CBLN2: variants seen among roughly 807,000 people sequenced by gnomAD.
CBLN2 encodes the protein cerebellin 2 precursor.
In CBLN2, 7 loss-of-function variants were observed where a neutral mutation model predicts 15.0. The ratio of observed to expected loss-of-function variants is 0.47; its 90% CI spans 0.27 to 0.88. The LOEUF is 0.88. Among genes scored for constraint, CBLN2 ranks in the 40% least tolerant of loss-of-function variants. The probability of loss-of-function intolerance (pLI) is 0.14; values close to 1 mark genes in which losing one functional copy is unlikely to be tolerated. For synonymous variants in CBLN2, 149 were observed against 135.2 expected, an observed-to-expected ratio of 1.10 and a Z score of -0.71; for missense variants, 242 against 304.5, an observed-to-expected ratio of 0.79 and a Z score of 1.53.
At chr18:72,538,512 C>G (rs1268357808) in intron 4 of CBLN2, 139 bp from the exon 5 acceptor site, 1 of 1,426,606 alleles carries the variant, frequency 7.0e-7, no homozygotes, top group Non-Finnish European at 9.7e-7. Flanking sequence ...AGTGAGCACT[C>G]CCAGCTAGTT....
At chr18:72,594,890 T>C (rs2069502960) in intron 1 of CBLN2, among the ~76,000 whole-genome samples, 1 of 152,144 alleles carries the variant, frequency 6.6e-6, no homozygotes, top group African/African-American at 2.4e-5. Flanking sequence ...TTATCCATAC[T>C]GATTTTATTT....
upstream of CBLN2, among the ~76,000 whole-genome samples, chr18:72,547,548 AT>A (rs1479190556): frequency 3.3e-5 from 5 of 151,956 alleles, no homozygotes; most frequent in East Asian, 3.8e-4. Flanking sequence ...ATTTTTATTT[AT>A]TTTTTTCTTT....
chr18:72,546,105 T>C (rs1326901144), upstream of CBLN2, among the ~76,000 whole-genome samples: 4 of 152,212 alleles, frequency 2.6e-5, no homozygotes, highest in African/African-American at 9.6e-5. Flanking sequence ...GAGAAGCAGA[T>C]TATTTATTCA....
chr18:72,584,790 G>T (rs975722383), intron 1 of CBLN2, among the ~76,000 whole-genome samples: 1 of 152,162 alleles, frequency 6.6e-6, no homozygotes, highest in Non-Finnish European at 1.5e-5. Context: ...GATCCTTGGG[G>T]TGTCACTTCA....
chr18:72,603,751 A>T (rs961864836), intron 1 of CBLN2, among the ~76,000 whole-genome samples: 7 of 152,296 alleles, frequency 4.6e-5, no homozygotes, highest in African/African-American at 1.7e-4. Context: ...GTGTATCATC[A>T]AAGAAAATCA....
intron 1 of CBLN2, among the ~76,000 whole-genome samples, chr18:72,583,314 A>G (rs2069419420): frequency 6.6e-6 from 1 of 152,216 alleles, no homozygotes; most frequent in African/African-American, 2.4e-5. Context: ...ACTTTGGAGC[A>G]GCTCATGTTG....
intron 1 of CBLN2, among the ~76,000 whole-genome samples, chr18:72,559,256 G>A (rs1259164360): frequency 6.6e-6 from 1 of 152,194 alleles, no homozygotes; most frequent in East Asian, 1.9e-4. Context: ...CAGTGGGGCA[G>A]CCACTGACTT....
chr18:72,588,557 T>C (rs1025030212), intron 1 of CBLN2, among the ~76,000 whole-genome samples: 1 of 152,178 alleles, frequency 6.6e-6, no homozygotes, highest in African/African-American at 2.4e-5. Context: ...AGAGACATCA[T>C]TTCTGAGCTC....
rs2069080705 is a variant in CBLN2 at position 72,538,117 on chromosome 18, T to C, written c.*59A>G. 12 of 1,571,794 alleles carry C rather than the reference T, an allele frequency of 7.6e-6. No homozygotes were observed. Among genetic ancestry groups the C allele is most frequent in the Non-Finnish European group, 1.1e-5 (12 of 1,142,572 alleles). On this transcript the variant is annotated 3_prime_UTR_variant, in exon 5 of 5. Transcript: ENST00000269503. ...CAATTCCAGTAAGTTCAGGGTGTTT[T>C]AAAGGGCGGAGTCCTGGGTCCAGTT...
At chr18:72,554,503 G>A (rs550638465) in intron 1 of CBLN2, among the ~76,000 whole-genome samples, 2 of 151,868 alleles carry the variant, frequency 1.3e-5, no homozygotes, top group South Asian at 2.1e-4. Context: ...TATACATTAC[G>A]TTAATTAGCC....
At chr18:72,619,234 G>T in intron 1 of CBLN2, 1 of 929,760 alleles carries the variant, frequency 1.1e-6, no homozygotes, top group Non-Finnish European at 1.7e-6. Flanking sequence ...TTACAGTCAG[G>T]AAACAAAGCT....
chr18:72,630,770 G>T (rs1447633957), intron 1 of CBLN2, among the ~76,000 whole-genome samples: 1 of 151,954 alleles, frequency 6.6e-6, no homozygotes, highest in Non-Finnish European at 1.5e-5. Context: ...TGAATTCTTT[G>T]CTGGTTTCCT....
In CBLN2 at chr18:72,540,767, G is replaced by A. The variant is rs531414012; in HGVS notation, c.357+1037C>T. ...AATAGAGTCAAGAGTGTGTGTGTCT[G>A]TAGGTTTATGGTTATTAAGTTTAAG... On this transcript the variant is annotated intron_variant, in intron 3 of 4. Coordinates refer to ENST00000269503, the MANE Select transcript of CBLN2 (RefSeq NM_182511.4). Among the ~76,000 whole-genome samples, 6 of 152,328 alleles carry A rather than the reference G, an allele frequency of 3.9e-5. No individual in the cohort carries two copies. The South Asian group carries it at 1.2e-3, about 32-fold the overall frequency.
Position 72,614,797 on chromosome 18 carries a change from A to G in CBLN2, c.15+23528T>C, listed in dbSNP as rs577803486. Among the ~76,000 whole-genome samples, 19 of 152,076 alleles carry G rather than the reference A, an allele frequency of 1.2e-4. No individual in the cohort carries two copies. In the East Asian group the frequency reaches 3.7e-3, roughly 29 times the overall value. On this transcript the variant is annotated intron_variant, in intron 1 of 2. Coordinates refer to the CBLN2 transcript ENST00000581073. ...TAGAGTTGGGTAATTTGTTTTTGAT[A>G]AGTAAAATATACACTCACCAAGCTA...
chr18:72,601,281 AG>A lies in CBLN2; in HGVS notation c.15+37043del, dbSNP rs2069546200. 2.6e-5 allele frequency among the ~76,000 whole-genome samples: 4 copies of A among 152,284 alleles called. No homozygotes were observed. The South Asian group carries it at 8.3e-4, about 32-fold the overall frequency. On this transcript the variant is annotated intron_variant, in intron 1 of 2. Coordinates refer to the CBLN2 transcript ENST00000581073. ...AGCTTGGAGGTCAGAAGTAGGATGG[AG>A]TCAACTATGTCAGATTACTCTTACT...
rs1483278217 is a variant in CBLN2 at position 72,542,261 on chromosome 18, G to T, written c.-101C>A. On this transcript the variant is annotated 5_prime_UTR_variant, in exon 3 of 5. Coordinates refer to ENST00000269503, the MANE Select transcript of CBLN2 (RefSeq NM_182511.4). ...GCGCGGAGCTCGCAGCAGCCTCCGG[G>T]GGCCTTCGTCCCCGGCTCTGACGTT... 1 of 744,686 alleles carries T rather than the reference G, an allele frequency of 1.3e-6. No individual in the cohort carries two copies. Among genetic ancestry groups the T allele is most frequent in the Non-Finnish European group, 1.8e-6 (1 of 570,994 alleles). The allele number at this position is 744,686 out of a possible 1,614,324, so 46.1% of individuals were successfully genotyped here. A position where few individuals can be genotyped will look rare whatever the true frequency, so the allele number is the denominator to read the frequency against.
chr18:72,541,476 G>T lies in CBLN2; in HGVS notation c.357+328C>A, dbSNP rs545878702. Among the ~76,000 whole-genome samples, 13 of 152,280 alleles carry T rather than the reference G, an allele frequency of 8.5e-5. 1 individual carries two copies. In the South Asian group the frequency reaches 2.7e-3, roughly 32 times the overall value. ...ACCATCAACCACACCGCCGTGAAAA[G>T]TAAAACGTGCAATGCTTCCTTTTGG... On this transcript the variant is annotated intron_variant, in intron 3 of 4. Transcript: ENST00000269503.
intron 1 of CBLN2, chr18:72,630,901 GT>G (rs1186934058): frequency 6.6e-6 from 1 of 152,110 alleles, no homozygotes; most frequent in Non-Finnish European, 1.5e-5. Flanking sequence ...TATGCCTGCT[GT>G]GTGAAAATAG....
At chr18:72,550,335 T>C (rs898271364) in intron 1 of CBLN2, among the ~76,000 whole-genome samples, 14 of 152,170 alleles carry the variant, frequency 9.2e-5, no homozygotes, top group African/African-American at 3.4e-4. Flanking sequence ...ATAGATTACA[T>C]TGCACCATCA....
Sources: allele counts gnomAD v4.1 joint callset (sites outside exome capture counted in the v4.1 genomes callset), GRCh38; gene constraint gnomAD v4.1.1; transcripts MANE v1.5; gene names NCBI Gene and HGNC (gene_info 2026-07-23, HGNC 2026-07-21).